The following NUAK2 variants were observed in gnomAD, a reference collection of about 807,000 sequenced individuals.
NUAK2 encodes the protein NUAK family SNF1-like kinase 2.
Under a neutral mutation model 29.8 loss-of-function variants are expected in NUAK2, and 20 were observed. The ratio of observed to expected loss-of-function variants is 0.67; its 90% CI spans 0.47 to 0.98. The LOEUF is 0.98. Among genes scored for constraint, NUAK2 ranks in the 50% least tolerant of loss-of-function variants. The probability of loss-of-function intolerance (pLI) is 0.00; values close to 1 mark genes in which losing one functional copy is unlikely to be tolerated. For missense variants in NUAK2, 719 were observed against 834.5 expected (o/e 0.86, Z 1.71); for synonymous variants, 331 against 342.6 (o/e 0.97, Z 0.37).
chr1:205,304,530 A>T lies in NUAK2; in HGVS notation c.824-17T>A. On this transcript the variant is annotated splice_polypyrimidine_tract_variant and intron_variant, in intron 6 of 6. Transcript: ENST00000367157. The surrounding 1 kb of genome is among the most constrained non-coding windows in gnomAD (Gnocchi z 6.5). ...CACAGGCATCTGGAAGACAAAAGGC[A>T]GGTGCTTCAGTTTGGCAGCTCCCAG... 1 of 1,495,078 alleles carries T rather than the reference A, an allele frequency of 6.7e-7. No individual in the cohort carries two copies. The highest frequency in any genetic ancestry group is 1.4e-5 in the South Asian group (1 of 72,424). The allele number at this position is 1,495,078 out of a possible 1,614,324, so 92.6% of individuals were successfully genotyped here.
At position 205,321,741 on chromosome 1, in the gene NUAK2, C is replaced by T. The variant is rs1574897991; in HGVS notation, c.-113G>A. 2 of 838,204 alleles carry T rather than the reference C, an allele frequency of 2.4e-6. No homozygotes were observed. The highest frequency in any genetic ancestry group is 5.2e-5 in the East Asian group (2 of 38,184). 51.9% of individuals were successfully genotyped at this position (838,204 alleles called of 1,614,324 possible). ...ACGGGGAGCCACAGCAGTACCAGAG[C>T]GCGCAGTAAAGCACAGCATTCCAAG... On this transcript the variant is annotated 5_prime_UTR_variant, in exon 1 of 7. Coordinates refer to ENST00000367157, the MANE Select transcript of NUAK2 (RefSeq NM_030952.3).
At chr1:205,307,567 C>T (rs749435333) in intron 4 of NUAK2, among the ~76,000 whole-genome samples, 19 of 152,184 alleles carry the variant, frequency 1.2e-4, no homozygotes, top group South Asian at 6.2e-4. Context: ...CTGCAGGGGC[C>T]AGCCTCCCTG....
At chr1:205,309,646 T>C (rs1200899466) in intron 2 of NUAK2, among the ~76,000 whole-genome samples, 2 of 152,174 alleles carry the variant, frequency 1.3e-5, no homozygotes, top group Admixed American at 6.5e-5. Flanking sequence ...TTATAATCAG[T>C]GCCCTCATGC....
At position 205,304,549 on chromosome 1, in the gene NUAK2, C is replaced by T; in HGVS notation, c.824-36G>A. 2 of 1,461,528 alleles carry T rather than the reference C, an allele frequency of 1.4e-6. No individual in the cohort carries two copies. Among genetic ancestry groups the T allele is most frequent in the Non-Finnish European group, 1.8e-6 (2 of 1,099,980 alleles). The allele number at this position is 1,461,528 out of a possible 1,614,324, so 90.5% of individuals were successfully genotyped here. A position where few individuals can be genotyped will look rare whatever the true frequency, so the allele number is the denominator to read the frequency against. Reference sequence around the variant, plus strand: ...AAAGGCAGGTGCTTCAGTTTGGCAGCTCCCAGAATAGGCACTCCCTGTCCC... The same window carrying T: ...AAAGGCAGGTGCTTCAGTTTGGCAGTTCCCAGAATAGGCACTCCCTGTCCC... On this transcript the variant is annotated intron_variant, in intron 6 of 6. Transcript: ENST00000367157. The surrounding 1 kb of genome is among the most constrained non-coding windows in gnomAD (Gnocchi z 6.5).
chr1:205,317,903 G>A (rs1418947450), intron 1 of NUAK2, among the ~76,000 whole-genome samples: 1 of 152,230 alleles, frequency 6.6e-6, no homozygotes, highest in Non-Finnish European at 1.5e-5. Flanking sequence ...AGACCTCCAG[G>A]ACGCAGGGAT....
chr1:205,311,992 T>C (rs938661503), intron 1 of NUAK2, among the ~76,000 whole-genome samples, 167 bp from the exon 2 acceptor site: 3 of 152,100 alleles, frequency 2.0e-5, no homozygotes, highest in Non-Finnish European at 4.4e-5. Context: ...GAGAGCACTT[T>C]CTCTAGAAAA....
At position 205,304,003 on chromosome 1, in the gene NUAK2, T is replaced by C. The variant is rs1662134380; in HGVS notation, c.1334A>G (p.Lys445Arg). 6.2e-7 allele frequency: 1 copy of C among 1,613,840 alleles called. No homozygotes were observed. The highest frequency in any genetic ancestry group is 8.5e-7 in the Non-Finnish European group (1 of 1,179,870). ...TCGGGGCTTCTTGAGAATGCCCTTC[T>C]TGGGGAGCAGGGGGGCAGCCTGCCC... ...SPGQAAPLLP[K>R]KGILKKPRQR... Residue 445 changes from lysine (K) to arginine (R), a missense_variant, in exon 7 of 7, where the codon AAG becomes AGG. Physicochemically the swap from Lys to Arg is conservative, Grantham distance 26 (BLOSUM62 2). Transcript: ENST00000367157. The surrounding 1 kb of genome is among the most constrained non-coding windows in gnomAD (Gnocchi z 6.5).
rs1325097581 is a variant in NUAK2, at chr1:205,302,276, A to C, written c.*1174T>G. 6.5e-6 allele frequency: 1 copy of C among 152,682 alleles called. No individual in the cohort carries two copies. The highest frequency in any genetic ancestry group is 2.4e-5 in the African/African-American group (1 of 41,454). The allele number at this position is 152,682 out of a possible 1,614,324, so 9.5% of individuals were successfully genotyped here. A position where few individuals can be genotyped will look rare whatever the true frequency, so the allele number is the denominator to read the frequency against. ...AGCATTCACATTATTGAAAACAGCA[A>C]GATTCACTTTTCCTAAAACACAAAG... On this transcript the variant is annotated 3_prime_UTR_variant, in exon 7 of 7. Coordinates refer to ENST00000367157, the MANE Select transcript of NUAK2 (RefSeq NM_030952.3).
rs1023737323 is a variant in NUAK2 at position 205,308,464 on chromosome 1, T to C, written c.504+117A>G. 4.3e-6 allele frequency: 5 copies of C among 1,160,184 alleles called. No individual in the cohort carries two copies. Among genetic ancestry groups the C allele is most frequent in the Admixed American group, 4.1e-5 (2 of 48,566 alleles). 71.9% of individuals were successfully genotyped at this position (1,160,184 alleles called of 1,614,324 possible). A position where few individuals can be genotyped will look rare whatever the true frequency, so the allele number is the denominator to read the frequency against. On this transcript the variant is annotated intron_variant, in intron 3 of 6. Coordinates refer to ENST00000367157, the MANE Select transcript of NUAK2 (RefSeq NM_030952.3). This position sits in a 1 kb window ranked among gnomAD's most constrained non-coding sequence, Gnocchi z 4.1. Reference sequence around the variant, plus strand: ...ATTTCCCTGAGAGTCCAGAATCTAGTTTTGCCTCTGTTTCTGTGTGATCCT... The same window carrying C: ...ATTTCCCTGAGAGTCCAGAATCTAGCTTTGCCTCTGTTTCTGTGTGATCCT...
intron 5 of NUAK2, 152 bp downstream of exon 5, chr1:205,306,036 G>T: frequency 1.9e-6 from 2 of 1,079,590 alleles, no homozygotes; most frequent in Non-Finnish European, 2.7e-6. Flanking sequence ...TGCCATTCCT[G>T]GCTAGACACC....
At chr1:205,319,362 G>C (rs900127270) in intron 1 of NUAK2, among the ~76,000 whole-genome samples, 2 of 152,176 alleles carry the variant, frequency 1.3e-5, no homozygotes, top group Non-Finnish European at 2.9e-5. Context: ...ACTTAAGTTT[G>C]AAAACTGAAA....
chr1:205,316,424 C>T (rs929505871), intron 1 of NUAK2, among the ~76,000 whole-genome samples: 1 of 152,154 alleles, frequency 6.6e-6, no homozygotes, highest in African/African-American at 2.4e-5. Context: ...GATGTCCCTG[C>T]CTGCAGAGAG....
chr1:205,304,470 G>A lies in NUAK2; in HGVS notation c.867C>T (p.Thr289=). The A allele has an allele frequency of 1.3e-6, 2 of 1,525,456 alleles. No individual in the cohort carries two copies. The highest frequency in any genetic ancestry group is 1.8e-6 in the Non-Finnish European group (2 of 1,136,912). 94.5% of individuals were successfully genotyped at this position (1,525,456 alleles called of 1,614,324 possible). Residue 289 remains threonine (T), a synonymous_variant, in exon 7 of 7, where the codon ACC becomes ACT. Coordinates refer to ENST00000367157, the MANE Select transcript of NUAK2 (RefSeq NM_030952.3). The surrounding 1 kb of genome is among the most constrained non-coding windows in gnomAD (Gnocchi z 6.5). ...CCACATCCTCCAGGGTGGCCCGGCGGGTGGGGTTCACCATCAACAGCCACC... is the reference window on the plus strand; with the variant it reads ...CCACATCCTCCAGGGTGGCCCGGCGAGTGGGGTTCACCATCAACAGCCACC... ...LIRWLLMVNP[T]RRATLEDVAS... is the part of the protein sequence containing the mutation.
At chr1:205,316,045 T>C (rs907985489) in intron 1 of NUAK2, among the ~76,000 whole-genome samples, 2 of 152,108 alleles carry the variant, frequency 1.3e-5, no homozygotes, top group African/African-American at 4.8e-5. Flanking sequence ...ATACAATATA[T>C]GGCCACCCTA....
chr1:205,314,170 C>T (rs1325005312), intron 1 of NUAK2, among the ~76,000 whole-genome samples: 3 of 152,226 alleles, frequency 2.0e-5, no homozygotes, highest in Non-Finnish European at 2.9e-5. Context: ...TGCCCTGGCC[C>T]GGTCACCCCG....
rs1328486379 is a variant in NUAK2, at chr1:205,303,886, T to C, written c.1451A>G (p.Lys484Arg). 1.2e-6 allele frequency: 2 copies of C among 1,614,040 alleles called. No individual in the cohort carries two copies. The highest frequency in any genetic ancestry group is 1.3e-5 in the African/African-American group (1 of 75,052). Residue 484 changes from lysine (K) to arginine (R), a missense_variant, in exon 7 of 7, where the codon AAG becomes AGG. Around this residue, in one of 3 missense-constraint regions of NUAK2, gnomAD observed 430 missense variants for 465.7 expected, o/e 0.92. Transcript: ENST00000367157. Reference sequence around the variant, plus strand: ...TGAAGCTTGCGGAGGCTTCTGCTCCTTGGGATCCCCACTCACAAACACGTC... The same window carrying C: ...TGAAGCTTGCGGAGGCTTCTGCTCCCTGGGATCCCCACTCACAAACACGTC... ...AGDVFVSGDP[K>R]EQKPPQASGL...
chr1:205,306,332 C>T (rs1662179900), intron 4 of NUAK2, 25 bp from the exon 5 acceptor site: 1 of 1,600,594 alleles, frequency 6.2e-7, no homozygotes, highest in Non-Finnish European at 8.5e-7. Flanking sequence ...CAAACACGGG[C>T]ACAGGTCATG....
Position 205,304,649 on chromosome 1 carries a change from G to T in NUAK2, c.824-136C>A. 1.3e-6 allele frequency: 1 copy of T among 751,474 alleles called. No homozygotes were observed. The highest frequency in any genetic ancestry group is 2.1e-6 in the Non-Finnish European group (1 of 473,348). 46.6% of individuals were successfully genotyped at this position (751,474 alleles called of 1,614,324 possible). A position where few individuals can be genotyped will look rare whatever the true frequency, so the allele number is the denominator to read the frequency against. The stretch of plus-strand genomic sequence containing the variant: ...TCGGATGCGTCCCTTCCAACCTAGG[G>T]CTCTATACATGCCTTGGCCCAGGAC... On this transcript the variant is annotated intron_variant, in intron 6 of 6. Transcript: ENST00000367157. This position sits in a 1 kb window ranked among gnomAD's most constrained non-coding sequence, Gnocchi z 6.5.
At chr1:205,307,665 A>G (rs571544098) in intron 4 of NUAK2, among the ~76,000 whole-genome samples, 1 of 152,344 alleles carries the variant, frequency 6.6e-6, no homozygotes, top group East Asian at 1.9e-4. Context: ...TTAAGCATGG[A>G]AATCTAGCAG....
Sources: gnomAD v4.1 joint callset for allele counts (sites outside exome capture counted in the v4.1 genomes callset) on GRCh38, gnomAD v4.1.1 for gene constraint, gnomAD v4.1.1 regional missense constraint, Gnocchi (gnomAD v3.1) non-coding constraint, MANE v1.5 for transcripts, NCBI Gene and HGNC (gene_info 2026-07-23, HGNC 2026-07-21) for gene names.